ITGB5: variants seen among roughly 807,000 people sequenced by gnomAD.
ITGB5 encodes integrin subunit beta 5.
A neutral mutation model predicts 84.8 loss-of-function variants in ITGB5; 38 were observed. The ratio of observed to expected loss-of-function variants is 0.45; its 90% CI spans 0.35 to 0.59. The LOEUF (loss-of-function observed/expected upper bound fraction) is 0.59, where lower values mean the gene tolerates loss of function less well. Among genes scored for constraint, ITGB5 ranks in the 20% least tolerant of loss-of-function variants. The probability of loss-of-function intolerance (pLI) is 0.01; values close to 1 mark genes in which losing one functional copy is unlikely to be tolerated. For synonymous variants in ITGB5, 393 were observed against 414.4 expected, an observed-to-expected ratio of 0.95 and a Z score of 0.63; for missense variants, 905 against 1,034.5, an observed-to-expected ratio of 0.87 and a Z score of 1.72.
At chr3:124,835,019 C>G (rs749075004) in intron 5 of ITGB5, among the ~76,000 whole-genome samples, 9 of 152,194 alleles carry the variant, frequency 5.9e-5, no homozygotes, top group Admixed American at 3.9e-4. Flanking sequence ...ATCAAAGGGG[C>G]CTCCTACCCT....
chr3:124,804,667 TTTTG>T (rs113384107), intron 9 of ITGB5, among the ~76,000 whole-genome samples: 2 of 152,038 alleles, frequency 1.3e-5, no homozygotes, highest in Non-Finnish European at 2.9e-5. Flanking sequence ...CACTTATCTT[TTTTG>T]TTTGTTTGTT....
At chr3:124,861,495 TACACACACACACAC>T (rs1553766077) in intron 2 of ITGB5, among the ~76,000 whole-genome samples, 2 of 111,992 alleles carry the variant, frequency 1.8e-5, no homozygotes, top group Admixed American at 1.0e-4. Context: ...TATATATATA[TACACACACACACAC>T]ACACACACAC....
At chr3:124,808,295 C>T (rs377279305) in intron 9 of ITGB5, among the ~76,000 whole-genome samples, 145 of 152,298 alleles carry the variant, frequency 9.5e-4, no homozygotes, top group African/African-American at 3.0e-3. Flanking sequence ...GTTTTCTGAG[C>T]ACTGGACCTG....
intron 10 of ITGB5, among the ~76,000 whole-genome samples, chr3:124,781,520 C>T (rs1016671404): frequency 2.6e-5 from 4 of 152,150 alleles, no homozygotes; most frequent in Admixed American, 6.5e-5. Context: ...ATTTCTGAAA[C>T]GCACAGGACG....
intron 10 of ITGB5, among the ~76,000 whole-genome samples, chr3:124,778,300 C>T (rs1326781455): frequency 1.3e-5 from 2 of 152,216 alleles, no homozygotes; most frequent in Admixed American, 6.5e-5. Flanking sequence ...TCTATTTATA[C>T]AGATTTTCAG....
intron 10 of ITGB5, among the ~76,000 whole-genome samples, chr3:124,774,386 C>T (rs927350096): frequency 6.6e-6 from 1 of 152,106 alleles, no homozygotes; most frequent in African/African-American, 2.4e-5. Flanking sequence ...TGAGAGGGAG[C>T]AAGGGAGACT....
chr3:124,882,635 G>T lies in ITGB5; in HGVS notation c.70+4296C>A, dbSNP rs573767125. ...AGTTCGTGGAGCCTGGCAGGACTCT[G>T]GGAAACCATTCGAAGGTTTTAAGCA... On this transcript the variant is annotated intron_variant, in intron 1 of 14. Coordinates refer to ENST00000296181, the MANE Select transcript of ITGB5 (RefSeq NM_002213.5). Among the ~76,000 whole-genome samples, 4 of 152,312 alleles carry T rather than the reference G, an allele frequency of 2.6e-5. No individual in the cohort carries two copies. In the South Asian group the frequency reaches 8.3e-4, roughly 32 times the overall value.
intron 9 of ITGB5, among the ~76,000 whole-genome samples, chr3:124,808,462 C>G (rs755774874): frequency 4.6e-5 from 7 of 152,228 alleles, no homozygotes; most frequent in Non-Finnish European, 1.0e-4. Flanking sequence ...TGCTCCCTCA[C>G]GCAAGTCCTT....
intron 5 of ITGB5, among the ~76,000 whole-genome samples, chr3:124,825,191 C>T (rs889147470): frequency 2.9e-5 from 4 of 139,216 alleles, no homozygotes; most frequent in East Asian, 2.0e-4. Flanking sequence ...AGCGAGACTC[C>T]GTCTCAAAAA....
intron 10 of ITGB5, among the ~76,000 whole-genome samples, chr3:124,788,997 C>A (rs1179868080): frequency 3.3e-5 from 5 of 152,214 alleles, no homozygotes; most frequent in African/African-American, 1.2e-4. Flanking sequence ...AGTTCAAGAC[C>A]AGCCTGGGAA....
intron 1 of ITGB5, among the ~76,000 whole-genome samples, chr3:124,874,711 G>A (rs1934227889): frequency 6.6e-6 from 1 of 152,204 alleles, no homozygotes; most frequent in East Asian, 1.9e-4. Flanking sequence ...GGCATTTACA[G>A]TGAACTGATC....
At chr3:124,880,495 A>T (rs760075722) in intron 1 of ITGB5, among the ~76,000 whole-genome samples, 7 of 152,158 alleles carry the variant, frequency 4.6e-5, no homozygotes, top group Non-Finnish European at 8.8e-5. Flanking sequence ...CACTTCTGTG[A>T]TCCCAACAAT....
At chr3:124,831,571 C>A (rs561701110) in intron 5 of ITGB5, among the ~76,000 whole-genome samples, 5 of 152,196 alleles carry the variant, frequency 3.3e-5, no homozygotes, top group Non-Finnish European at 5.9e-5. Flanking sequence ...TCGGAAAACA[C>A]AAGTGGGGCC....
At chr3:124,774,845 C>A (rs1579178659) in intron 10 of ITGB5, among the ~76,000 whole-genome samples, 1 of 152,190 alleles carries the variant, frequency 6.6e-6, no homozygotes. Flanking sequence ...GCACCTTACA[C>A]GTAGAAATGG....
At chr3:124,768,373 C>T (rs2063795754) in intron 12 of ITGB5, among the ~76,000 whole-genome samples, 1 of 152,172 alleles carries the variant, frequency 6.6e-6, no homozygotes, top group African/African-American at 2.4e-5. Flanking sequence ...TTTCCATCAC[C>T]ACAGAAAGAA....
At chr3:124,795,160 G>T (rs2064204139) in intron 10 of ITGB5, among the ~76,000 whole-genome samples, 1 of 152,140 alleles carries the variant, frequency 6.6e-6, no homozygotes, top group Non-Finnish European at 1.5e-5. Flanking sequence ...TAACCATTGG[G>T]AGGAAGTTAT....
chr3:124,835,663 G>A (rs2064924898), intron 5 of ITGB5, among the ~76,000 whole-genome samples: 1 of 152,226 alleles, frequency 6.6e-6, no homozygotes, highest in South Asian at 2.1e-4. Context: ...GTGGTGCAGA[G>A]GTTTGAGGAG....
intron 4 of ITGB5, among the ~76,000 whole-genome samples, chr3:124,843,667 C>T (rs1401858603): frequency 6.6e-6 from 1 of 152,168 alleles, no homozygotes; most frequent in Non-Finnish European, 1.5e-5. Flanking sequence ...TCCACTGACA[C>T]TGGAATAGGA....
At chr3:124,849,780 G>A (rs2065127475) in intron 3 of ITGB5, among the ~76,000 whole-genome samples, 1 of 151,962 alleles carries the variant, frequency 6.6e-6, no homozygotes, top group Non-Finnish European at 1.5e-5. Flanking sequence ...CTCAAGTCAG[G>A]GCAATAACTG....
Sources: allele counts gnomAD v4.1 joint callset (sites outside exome capture counted in the v4.1 genomes callset), GRCh38; gene constraint gnomAD v4.1.1; transcripts MANE v1.5; gene names NCBI Gene and HGNC (gene_info 2026-07-23, HGNC 2026-07-21).